The following CNTN5 variants were observed in gnomAD, a reference collection of about 807,000 sequenced individuals.
The protein encoded by CNTN5 is contactin 5, also known as contactin-5.
In CNTN5, 77 loss-of-function variants were observed where a neutral mutation model predicts 129.1. The observed-to-expected ratio is 0.60, with a 90% CI of 0.50 to 0.72. The LOEUF (loss-of-function observed/expected upper bound fraction) is 0.72, where lower values mean the gene tolerates loss of function less well. Ranked by LOEUF, CNTN5 falls within the 30% of genes least tolerant of loss-of-function variation. The pLI is 0.00. For synonymous variants in CNTN5, 509 were observed against 465.6 expected (o/e 1.09, Z -1.20); for missense variants, 1,478 against 1,328.8 (o/e 1.11, Z -1.75).
At chr11:100,229,703 T>G (rs977169310) in intron 16 of CNTN5, among the ~76,000 whole-genome samples, 3 of 152,234 alleles carry the variant, frequency 2.0e-5, no homozygotes, top group African/African-American at 7.2e-5. Flanking sequence ...TAATGTGCTG[T>G]ATCTTCACAT....
intron 13 of CNTN5, among the ~76,000 whole-genome samples, chr11:100,106,732 G>A (rs1681478434): frequency 6.6e-6 from 1 of 152,050 alleles, no homozygotes; most frequent in Admixed American, 6.6e-5. Flanking sequence ...AGAGATATTT[G>A]CCTATAATAT....
intron 3 of CNTN5, among the ~76,000 whole-genome samples, chr11:99,780,670 A>C (rs892467376): frequency 6.6e-6 from 1 of 152,062 alleles, no homozygotes; most frequent in African/African-American, 2.4e-5. Context: ...ATTTCACAGT[A>C]TGTTTACTTT....
intron 21 of CNTN5, among the ~76,000 whole-genome samples, chr11:100,311,701 C>T (rs1362191549): frequency 6.6e-6 from 1 of 151,902 alleles, no homozygotes; most frequent in East Asian, 1.9e-4. Context: ...ATGTTCCATG[C>T]TGTCAAATGC....
At chr11:100,184,506 A>T (rs1053149227) in intron 13 of CNTN5, among the ~76,000 whole-genome samples, 2 of 152,224 alleles carry the variant, frequency 1.3e-5, no homozygotes, top group African/African-American at 2.4e-5. Flanking sequence ...AGCTGAAAGC[A>T]GTATCCAGCT....
intron 4 of CNTN5, among the ~76,000 whole-genome samples, chr11:99,837,892 A>G (rs1452823225): frequency 1.3e-5 from 2 of 152,046 alleles, no homozygotes; most frequent in African/African-American, 4.8e-5. Context: ...AAAAAACTTC[A>G]TTTTTGTTAA....
chr11:100,224,357 C>G (rs1949328430), intron 15 of CNTN5, among the ~76,000 whole-genome samples: 1 of 152,110 alleles, frequency 6.6e-6, no homozygotes, highest in African/African-American at 2.4e-5. Context: ...CAAAATACAC[C>G]TGTCTCTGAA....
intron 4 of CNTN5, among the ~76,000 whole-genome samples, chr11:99,841,801 G>A (rs868864258): frequency 0.057 from 294 of 5,200 alleles, no homozygotes; most frequent in African/African-American, 0.098. Flanking sequence ...ATATATATAT[G>A]TGGTGTGTGT....
chr11:100,035,352 T>G (rs1342111717), intron 9 of CNTN5, among the ~76,000 whole-genome samples: 2 of 146,400 alleles, frequency 1.4e-5, no homozygotes, highest in Non-Finnish European at 3.0e-5. Flanking sequence ...TGCCACATTT[T>G]CTTAATCCAG....
Position 99,970,335 on chromosome 11 carries a change from C to T in CNTN5, c.877+13326C>T, listed in dbSNP as rs571101630. On this transcript the variant is annotated intron_variant, in intron 8 of 24. Coordinates refer to ENST00000524871, the MANE Select transcript of CNTN5 (RefSeq NM_014361.4). ...TAATATCATAAAACTAATTGTAACG[C>T]CACTTATTGAATGCAAATTCACAAG... is the stretch of plus-strand genomic sequence containing the variant. Among the ~76,000 whole-genome samples, 8 of 152,264 alleles carry T rather than the reference C, an allele frequency of 5.3e-5. No homozygotes were observed. The South Asian group carries it at 1.7e-3, about 32-fold the overall frequency.
At chr11:99,534,880 A>T (rs1026200571) in intron 2 of CNTN5, among the ~76,000 whole-genome samples, 1 of 152,164 alleles carries the variant, frequency 6.6e-6, no homozygotes, top group Non-Finnish European at 1.5e-5. Flanking sequence ...GATTAGAATT[A>T]AAAGCATTCT....
At chr11:99,324,524 T>C (rs1023106573) in intron 1 of CNTN5, among the ~76,000 whole-genome samples, 4 of 152,170 alleles carry the variant, frequency 2.6e-5, no homozygotes, top group Non-Finnish European at 5.9e-5. Flanking sequence ...ATTTGAAATA[T>C]ATGTATGGGT....
intron 2 of CNTN5, among the ~76,000 whole-genome samples, chr11:99,365,633 G>A (rs1565524287): frequency 6.6e-6 from 1 of 152,098 alleles, no homozygotes; most frequent in Non-Finnish European, 1.5e-5. Context: ...CTGTAATTCT[G>A]ATAGTATGTT....
At chr11:100,108,446 G>T (rs1266153482) in intron 13 of CNTN5, among the ~76,000 whole-genome samples, 2 of 152,074 alleles carry the variant, frequency 1.3e-5, no homozygotes, top group Non-Finnish European at 2.9e-5. Context: ...AGGGTCAAAT[G>T]GGAGAGACAC....
intron 1 of CNTN5, among the ~76,000 whole-genome samples, chr11:99,089,266 T>C (rs933682761): frequency 4.6e-5 from 7 of 152,260 alleles, no homozygotes; most frequent in African/African-American, 1.7e-4. Flanking sequence ...GCAGAAAGCA[T>C]ACCAGCTATT....
At chr11:99,987,819 C>CTGAT (rs1398088992) in intron 8 of CNTN5, among the ~76,000 whole-genome samples, 2 of 152,018 alleles carry the variant, frequency 1.3e-5, no homozygotes, top group African/African-American at 4.8e-5. Flanking sequence ...TAATAGCTCA[C>CTGAT]TGATTTGGAG....
At chr11:99,030,275 A>C (rs1044427138) in intron 1 of CNTN5, among the ~76,000 whole-genome samples, 5 of 152,198 alleles carry the variant, frequency 3.3e-5, no homozygotes, top group African/African-American at 1.2e-4. Flanking sequence ...AGATGCTTAC[A>C]AAATTTCTTT....
At chr11:99,929,309 T>C (rs1192834726) in intron 7 of CNTN5, among the ~76,000 whole-genome samples, 1 of 152,162 alleles carries the variant, frequency 6.6e-6, no homozygotes, top group Non-Finnish European at 1.5e-5. Flanking sequence ...CCTACATTTT[T>C]CTGTCTTCTT....
chr11:100,288,352 C>A (rs1292679652), intron 18 of CNTN5, among the ~76,000 whole-genome samples: 2 of 151,956 alleles, frequency 1.3e-5, no homozygotes, highest in South Asian at 4.2e-4. Context: ...TGACCACATA[C>A]TTGGAAGTAA....
chr11:100,297,043 C>T (rs1951112520), intron 18 of CNTN5, among the ~76,000 whole-genome samples: 1 of 151,474 alleles, frequency 6.6e-6, no homozygotes, highest in South Asian at 2.1e-4. Context: ...AATAGTTATT[C>T]ATTTGAAAAA....
Sources: allele counts gnomAD v4.1 joint callset (sites outside exome capture counted in the v4.1 genomes callset), GRCh38; gene constraint gnomAD v4.1.1; transcripts MANE v1.5; gene names NCBI Gene and HGNC (gene_info 2026-07-23, HGNC 2026-07-21).